Variants in RP1 observed in about 807,000 individuals in gnomAD.
RP1 encodes RP1 axonemal microtubule associated, also known as oxygen-regulated protein 1.
Under a neutral mutation model 14.8 loss-of-function variants are expected in RP1, and 16 were observed. The ratio of observed to expected loss-of-function variants is 1.08; its 90% CI spans 0.73 to 1.65. The LOEUF (loss-of-function observed/expected upper bound fraction) is 1.65. Ranked by LOEUF, RP1 falls within the 40% of genes most tolerant of loss-of-function variation. The pLI is 0.00. For synonymous variants in RP1, 876 were observed against 883.6 expected, an observed-to-expected ratio of 0.99 and a Z score of 0.15; for missense variants, 2,631 against 2,535.0, an observed-to-expected ratio of 1.04 and a Z score of -0.81.
intron 12 of RP1, among the ~76,000 whole-genome samples, chr8:54,685,527 AT>A (rs1158007974): frequency 6.6e-6 from 1 of 152,124 alleles, no homozygotes; most frequent in Non-Finnish European, 1.5e-5. Context: ...GACTGTTATG[AT>A]TTCAGTTCTT....
At position 54,629,268 on chromosome 8, in the gene RP1, A is replaced by G. The variant is rs768647079; in HGVS notation, c.5386A>G (p.Thr1796Ala). The G allele has an allele frequency of 3.4e-5, 55 of 1,613,848 alleles. No individual in the cohort carries two copies. Among genetic ancestry groups the G allele is most frequent in the Non-Finnish European group, 4.6e-5 (54 of 1,179,820 alleles). Residue 1796 changes from threonine to alanine, a missense_variant, in exon 4 of 4, where the codon ACG becomes GCG. Physicochemically the swap from Thr to Ala is moderately conservative, Grantham distance 58. Transcript: ENST00000220676. ...SHFGNLAPGPTMDELSSSELE... is the reference protein window; with the variant it reads ...SHFGNLAPGPAMDELSSSELE... ...TTTTGGTAATTTGGCCCCAGGCCCAACGATGGATGAACTCTCCTCTTCAGA... is the reference window on the plus strand; with the variant it reads ...TTTTGGTAATTTGGCCCCAGGCCCAGCGATGGATGAACTCTCCTCTTCAGA...
At chr8:54,823,094 G>T (rs891510601) in intron 24 of RP1, among the ~76,000 whole-genome samples, 1 of 152,008 alleles carries the variant, frequency 6.6e-6, no homozygotes, top group Non-Finnish European at 1.5e-5. Flanking sequence ...CAGGTGTATA[G>T]CACTCGTGTG....
At chr8:54,676,711 G>A (rs897891483) in intron 8 of RP1, among the ~76,000 whole-genome samples, 9 of 152,118 alleles carry the variant, frequency 5.9e-5, no homozygotes, top group South Asian at 2.1e-4. Flanking sequence ...GGAAAAACAT[G>A]ATGAAAATGT....
chr8:54,786,933 A>G (rs537150625), intron 24 of RP1, among the ~76,000 whole-genome samples: 2 of 152,278 alleles, frequency 1.3e-5, no homozygotes, highest in Admixed American at 6.5e-5. Flanking sequence ...GACATTGGCT[A>G]TCTTATTGTC....
At chr8:54,736,198 C>T (rs73679607) in intron 18 of RP1, among the ~76,000 whole-genome samples, 9,682 of 152,202 alleles carry the variant, frequency 0.064, 961 homozygotes, top group African/African-American at 0.21. Flanking sequence ...CTTAATTTCT[C>T]CAGGCCAGCA....
chr8:54,751,035 T>C (rs1809356562), intron 19 of RP1, among the ~76,000 whole-genome samples: 1 of 152,306 alleles, frequency 6.6e-6, no homozygotes, highest in East Asian at 1.9e-4. Flanking sequence ...TGCTGCTCAC[T>C]CTTTGGGTCC....
Position 54,594,606 on chromosome 8 carries a change from T to C in RP1, c.-12-26349T>C, listed in dbSNP as rs544858773. On this transcript the variant is annotated intron_variant, in intron 1 of 22. Transcript: ENST00000636932. ...ACATGGATAAAATTGGCATGCTGTTTCAGACAAAATTAAGACTTAAATTTG... is the reference window on the plus strand; with the variant it reads ...ACATGGATAAAATTGGCATGCTGTTCCAGACAAAATTAAGACTTAAATTTG... Among the ~76,000 whole-genome samples the C allele has an allele frequency of 2.0e-5, 3 of 152,352 alleles. No homozygotes were observed. The South Asian group carries it at 6.2e-4, about 32-fold the overall frequency.
intron 12 of RP1, chr8:54,699,348 AACTGAAAACATTTAATTGAGAAGTTT>A: frequency 2.4e-6 from 1 of 420,564 alleles, no homozygotes; most frequent in South Asian, 9.3e-5. Flanking sequence ...TTTTACCTTT[AACTGAAAACATTTAATTGAGAAGTTT>A]AAAATATATT....
rs756717990 is a variant in RP1 at position 54,754,783 on chromosome 8, A to AT, written c.2809-14dup. ...AAATTGGAGATGACACAATTTGGTC[A>AT]TTTTTTCTTCTAATTCCAGGTGACC... On this transcript the variant is annotated intron_variant, in intron 19 of 22. Transcript: ENST00000636932. 2.6e-5 allele frequency: 39 copies of AT among 1,483,098 alleles called. No homozygotes were observed. The East Asian group carries it at 6.8e-4, about 26-fold the overall frequency. 91.9% of individuals were successfully genotyped at this position (1,483,098 alleles called of 1,614,324 possible). A position where few individuals can be genotyped will look rare whatever the true frequency, so the allele number is the denominator to read the frequency against.
chr8:54,673,869 A>C, exon 8 of RP1: 1 of 1,535,740 alleles, frequency 6.5e-7, no homozygotes, highest in Non-Finnish European at 8.7e-7. Context: ...TTTTTCCTGG[A>C]GGCTGTGCAC....
chr8:54,824,122 ATTGT>A (rs1465646747), intron 24 of RP1, among the ~76,000 whole-genome samples: 3 of 137,652 alleles, frequency 2.2e-5, no homozygotes, highest in African/African-American at 5.3e-5. Context: ...TTCTAATTGG[ATTGT>A]TTGTGTGTTT....
At chr8:54,818,370 A>G (rs1811182736) in intron 24 of RP1, among the ~76,000 whole-genome samples, 1 of 152,200 alleles carries the variant, frequency 6.6e-6, no homozygotes, top group African/African-American at 2.4e-5. Context: ...CTGACAGGAG[A>G]TTTCCTGTTC....
intron 3 of RP1, among the ~76,000 whole-genome samples, chr8:54,638,614 C>T (rs139946472): frequency 2.3e-3 from 345 of 152,142 alleles, no homozygotes; most frequent in Non-Finnish European, 3.2e-3. Context: ...CATGTGACCC[C>T]TCTCCCCTTC....
At chr8:54,790,500 G>A (rs1275666207) in intron 24 of RP1, among the ~76,000 whole-genome samples, 2 of 151,784 alleles carry the variant, frequency 1.3e-5, no homozygotes, top group South Asian at 2.1e-4. Context: ...CTAGAGAAAT[G>A]GAGATCTACG....
At chr8:54,684,994 G>A (rs755262649) in intron 12 of RP1, among the ~76,000 whole-genome samples, 1 of 152,122 alleles carries the variant, frequency 6.6e-6, no homozygotes, top group East Asian at 1.9e-4. Flanking sequence ...GTTGTGGGAG[G>A]GCAGAGGTGG....
At chr8:54,724,834 G>C (rs1043168742) in intron 16 of RP1, among the ~76,000 whole-genome samples, 4 of 152,182 alleles carry the variant, frequency 2.6e-5, no homozygotes, top group African/African-American at 9.7e-5. Flanking sequence ...TACTTTTTGA[G>C]AAGTGGAGGT....
chr8:54,812,748 A>G (rs543014730), intron 24 of RP1, among the ~76,000 whole-genome samples: 1 of 149,732 alleles, frequency 6.7e-6, no homozygotes, highest in Non-Finnish European at 1.5e-5. Flanking sequence ...CTATGTATCC[A>G]TGTATCTATC....
chr8:54,561,079 G>C (rs980379104), intron 1 of RP1: 3 of 151,706 alleles, frequency 2.0e-5, no homozygotes, highest in East Asian at 2.0e-4. Context: ...GGGATATACT[G>C]GGGGGGTGGC....
chr8:54,706,138 C>T (rs1243738013), intron 14 of RP1, among the ~76,000 whole-genome samples: 1 of 152,064 alleles, frequency 6.6e-6, no homozygotes, highest in East Asian at 1.9e-4. Context: ...TTAATATTAA[C>T]ATTATTTGTT....
Sources: gnomAD v4.1 joint callset for allele counts (sites outside exome capture counted in the v4.1 genomes callset) on GRCh38, gnomAD v4.1.1 for gene constraint, MANE v1.5 for transcripts, NCBI Gene and HGNC (gene_info 2026-07-23, HGNC 2026-07-21) for gene names.